Variants in USP48 observed in about 807,000 individuals in gnomAD.
The protein encoded by USP48 is ubiquitin specific peptidase 48, also known as ubiquitin carboxyl-terminal hydrolase 48.
Under a neutral mutation model 150.7 loss-of-function variants are expected in USP48, and 43 were observed. The observed-to-expected ratio is 0.29, with a 90% CI of 0.22 to 0.37. The LOEUF (loss-of-function observed/expected upper bound fraction) is 0.37, where lower values mean the gene tolerates loss of function less well. USP48 is among the 10% of genes least tolerant of loss of function. The probability of loss-of-function intolerance (pLI) is 1.00; values close to 1 mark genes in which losing one functional copy is unlikely to be tolerated. For missense variants in USP48, 813 were observed against 1,249.6 expected (o/e 0.65, Z 5.27); for synonymous variants, 396 against 425.9 (o/e 0.93, Z 0.86).
At chr1:21,701,064 CAAAAA>C (rs11311453) in intron 22 of USP48, among the ~76,000 whole-genome samples, 1 of 60,502 alleles carries the variant, frequency 1.7e-5, no homozygotes. Flanking sequence ...GGATCCATCT[CAAAAA>C]AAAAAAAAAA....
chr1:21,766,139 G>A (rs533195684), intron 1 of USP48, among the ~76,000 whole-genome samples: 4 of 152,180 alleles, frequency 2.6e-5, no homozygotes, highest in South Asian at 2.1e-4. Context: ...AGGCCGAGGC[G>A]GGAGGATCAC....
At chr1:21,763,797 T>C (rs1049571378) in intron 1 of USP48, among the ~76,000 whole-genome samples, 2 of 148,958 alleles carry the variant, frequency 1.3e-5, no homozygotes, top group African/African-American at 5.0e-5. Context: ...CCCTGGTAAC[T>C]AGAGAGAAAC....
intron 1 of USP48, among the ~76,000 whole-genome samples, chr1:21,765,901 C>CAAAAAAAAAAAAAAAAA (rs199539331): frequency 1.8e-5 from 2 of 112,162 alleles, no homozygotes; most frequent in African/African-American, 8.2e-5. Flanking sequence ...ACTCCATCTC[C>CAAAAAAAAAAAAAAAAA]AAAAAAAAAA....
At chr1:21,708,408 G>T (rs1272313420) in intron 15 of USP48, among the ~76,000 whole-genome samples, 1 of 152,100 alleles carries the variant, frequency 6.6e-6, no homozygotes, top group Admixed American at 6.6e-5. Context: ...TGAGGCAGAA[G>T]AATCGTTTGA....
rs577595455 is a variant in USP48, at chr1:21,769,775, G to C, written c.135-11992C>G. On this transcript the variant is annotated intron_variant, in intron 1 of 26. Coordinates refer to ENST00000308271, the MANE Select transcript of USP48 (RefSeq NM_032236.8). ...ATCTGCAGTCTCAGCTACTGGGGAAGCTGAAGTGGAAGGACCACTTAGACA... is the reference window on the plus strand; with the variant it reads ...ATCTGCAGTCTCAGCTACTGGGGAACCTGAAGTGGAAGGACCACTTAGACA... Among the ~76,000 whole-genome samples, 84 of 152,224 alleles carry C rather than the reference G, an allele frequency of 5.5e-4. 1 individual carries two copies. Among genetic ancestry groups the C allele is most frequent in the Non-Finnish European group, 1.0e-3 (69 of 68,020 alleles).
rs1372052607 is a variant in USP48 at position 21,755,253 on chromosome 1, A to T, written c.412+1293T>A. 3.3e-5 allele frequency among the ~76,000 whole-genome samples: 5 copies of T among 152,012 alleles called. 1 individual carries two copies. The East Asian group carries it at 9.7e-4, about 30-fold the overall frequency. ...ATATTACTCCTTGGCCTGCAAAAGC[A>T]TTGCAGGCCAGTAAAAGCTATTCAA... On this transcript the variant is annotated intron_variant, in intron 3 of 26. Transcript: ENST00000308271.
chr1:21,687,270 A>T, intron 24 of USP48, 31 bp from the exon 25 acceptor site: 1 of 1,605,008 alleles, frequency 6.2e-7, no homozygotes, highest in Non-Finnish European at 8.5e-7. Context: ...ATTCAAAACC[A>T]CAAGGGAGAG....
intron 1 of USP48, among the ~76,000 whole-genome samples, chr1:21,773,432 G>T (rs183613637): frequency 1.1e-3 from 173 of 152,164 alleles, no homozygotes; most frequent in Admixed American, 4.8e-3. Context: ...GGAGGCCAAG[G>T]CTGAGGATTT....
chr1:21,765,857 T>C (rs1553146236), intron 1 of USP48, among the ~76,000 whole-genome samples: 1 of 125,262 alleles, frequency 8.0e-6, no homozygotes, highest in Non-Finnish European at 1.6e-5. Context: ...TTAGCCGAGA[T>C]CCCATGGTGC....
At chr1:21,721,858 T>A in intron 12 of USP48, 94 bp from the exon 13 acceptor site, 1 of 859,690 alleles carries the variant, frequency 1.2e-6, no homozygotes, top group Non-Finnish European at 1.7e-6. Context: ...ACAGACACAT[T>A]CTAAACCAAA....
intron 13 of USP48, 119 bp downstream of exon 13, chr1:21,721,530 CT>C: frequency 2.7e-6 from 2 of 739,368 alleles, no homozygotes; most frequent in Non-Finnish European, 4.1e-6. Flanking sequence ...CTACCATCCA[CT>C]TTATCACCCT....
intron 8 of USP48, among the ~76,000 whole-genome samples, chr1:21,742,759 C>T (rs2097785186): frequency 6.6e-6 from 1 of 152,088 alleles, no homozygotes; most frequent in South Asian, 2.1e-4. Context: ...CCAGCAGAGG[C>T]CCCAAATGCC....
At chr1:21,751,484 T>C (rs1240400961) in intron 6 of USP48, 23 bp downstream of exon 6, 3 of 1,568,986 alleles carry the variant, frequency 1.9e-6, no homozygotes, top group Non-Finnish European at 2.6e-6. Flanking sequence ...GCAGGAACAA[T>C]ACATACACCA....
chr1:21,773,207 A>C (rs1295959858), intron 1 of USP48, among the ~76,000 whole-genome samples: 2 of 149,446 alleles, frequency 1.3e-5, no homozygotes, highest in African/African-American at 5.0e-5. Flanking sequence ...GCAAGCTGAG[A>C]TCACACCACT....
intron 1 of USP48, among the ~76,000 whole-genome samples, chr1:21,764,711 C>CAAAA (rs35810751): frequency 1.8e-5 from 2 of 108,238 alleles, no homozygotes; most frequent in Admixed American, 9.9e-5. Flanking sequence ...CACTCCGTCT[C>CAAAA]AAAAAAAAAA....
rs1011660180 is a variant in USP48 at position 21,721,082 on chromosome 1, A to G, written c.1848T>C (p.Asp616=). Residue 616 remains aspartate (D), a synonymous_variant, in exon 14 of 27, where the codon GAT becomes GAC. Coordinates refer to ENST00000308271, the MANE Select transcript of USP48 (RefSeq NM_032236.8). ...TCATCTTTCCGTTGCTTTGTTCTGC[A>G]TCACCATCTTGCTCATCCAGCTGTT... ...ALEQLDEQDG[D]AEQSNGKMNG... 3.1e-6 allele frequency: 5 copies of G among 1,614,252 alleles called. No homozygotes were observed. The highest frequency in any genetic ancestry group is 1.7e-5 in the Admixed American group (1 of 60,028).
intron 25 of USP48, among the ~76,000 whole-genome samples, chr1:21,684,788 T>C (rs965929726): frequency 1.6e-4 from 24 of 152,258 alleles, no homozygotes; most frequent in African/African-American, 5.8e-4. Context: ...CAGCAAAATC[T>C]AGTGAAGAGG....
intron 3 of USP48, 72 bp from the exon 4 acceptor site, chr1:21,753,191 C>T (rs2097821202): frequency 3.4e-6 from 5 of 1,457,398 alleles, no homozygotes; most frequent in African/African-American, 2.9e-5. Context: ...GGTACTTCCT[C>T]TTCACATGAG....
At chr1:21,713,745 CCAAA>C (rs1428582613) in intron 15 of USP48, among the ~76,000 whole-genome samples, 2 of 152,132 alleles carry the variant, frequency 1.3e-5, no homozygotes, top group Non-Finnish European at 2.9e-5. Context: ...GGCTATTCAC[CCAAA>C]CTTCCTTCCC....
Sources: gnomAD v4.1 joint callset for allele counts (sites outside exome capture counted in the v4.1 genomes callset) on GRCh38, gnomAD v4.1.1 for gene constraint, MANE v1.5 for transcripts, NCBI Gene and HGNC (gene_info 2026-07-23, HGNC 2026-07-21) for gene names.